Variants in FUT9 observed in about 807,000 individuals in gnomAD.
The protein encoded by FUT9 is 4-galactosyl-N-acetylglucosaminide 3-alpha-L-fucosyltransferase 9.
A neutral mutation model predicts 29.7 loss-of-function variants in FUT9; 15 were observed. The observed-to-expected ratio is 0.51, with a 90% CI of 0.34 to 0.78. The LOEUF is 0.78. FUT9 is among the 30% of genes least tolerant of loss of function. FUT9 has a pLI of 0.01. For missense variants in FUT9, 319 were observed against 425.4 expected (o/e 0.75, Z 2.20); for synonymous variants, 169 against 153.7 (o/e 1.10, Z -0.74).
intron 1 of FUT9, among the ~76,000 whole-genome samples, chr6:96,038,595 G>T (rs1770403064): frequency 6.6e-6 from 1 of 152,046 alleles, no homozygotes; most frequent in Admixed American, 6.6e-5. Flanking sequence ...GGTAGCTGGG[G>T]AAAAATATGT....
In FUT9 at chr6:96,209,920, A is replaced by G. The variant is rs113368251; in HGVS notation, c.*5685A>G. On this transcript the variant is annotated 3_prime_UTR_variant, in exon 3 of 3. Transcript: ENST00000302103. ...CAAAAAAAGAGCATGCTTTTAATAC[A>G]TTTCCAAAATTATCCTGTTTCTGCT... 6.0e-6 allele frequency: 1 copy of G among 166,792 alleles called. No individual in the cohort carries two copies. Among genetic ancestry groups the G allele is most frequent in the African/African-American group, 2.4e-5 (1 of 41,422 alleles). 10.3% of individuals were successfully genotyped at this position (166,792 alleles called of 1,614,324 possible).
intron 1 of FUT9, among the ~76,000 whole-genome samples, chr6:96,025,606 G>A (rs1582177424): frequency 6.6e-6 from 1 of 151,686 alleles, no homozygotes; most frequent in East Asian, 1.9e-4. Flanking sequence ...TCAGAGAGCA[G>A]GGAAGGAGAG....
chr6:96,058,468 C>CAAAAAAAAAAAA (rs3079049), intron 1 of FUT9, among the ~76,000 whole-genome samples: 9 of 77,166 alleles, frequency 1.2e-4, no homozygotes, highest in African/African-American at 5.3e-4. Flanking sequence ...GGCTTTATTC[C>CAAAAAAAAAAAA]AAAAAAAAAA....
chr6:96,193,851 C>T (rs897753534), intron 2 of FUT9, among the ~76,000 whole-genome samples: 6 of 152,152 alleles, frequency 3.9e-5, no homozygotes, highest in Non-Finnish European at 7.3e-5. Flanking sequence ...GGCACATATA[C>T]ACCATGGAAT....
chr6:96,105,450 T>A (rs990878404), intron 1 of FUT9, among the ~76,000 whole-genome samples: 3 of 152,180 alleles, frequency 2.0e-5, no homozygotes, highest in Non-Finnish European at 4.4e-5. Context: ...ATAAAAATCA[T>A]ATTATTCTAA....
chr6:96,055,030 A>T (rs1470563684), intron 1 of FUT9, among the ~76,000 whole-genome samples: 2 of 152,168 alleles, frequency 1.3e-5, no homozygotes, highest in Non-Finnish European at 2.9e-5. Context: ...GTAATGAAAT[A>T]CATTGTTTTA....
chr6:96,075,051 T>C (rs1381524239), intron 1 of FUT9, among the ~76,000 whole-genome samples: 1 of 152,048 alleles, frequency 6.6e-6, no homozygotes, highest in Admixed American at 6.6e-5. Context: ...CCCAAAGCAC[T>C]GGGATTACAG....
chr6:96,018,396 G>C (rs1028919336), intron 1 of FUT9, among the ~76,000 whole-genome samples: 1 of 152,026 alleles, frequency 6.6e-6, no homozygotes, highest in African/African-American at 2.4e-5. Flanking sequence ...AATTATCTAT[G>C]AGAATCCAAA....
chr6:96,194,458 C>T (rs75178283), intron 2 of FUT9, among the ~76,000 whole-genome samples: 21 of 152,124 alleles, frequency 1.4e-4, no homozygotes, highest in East Asian at 7.8e-4. Context: ...AAGAAATGTC[C>T]GTCTTCCATA....
chr6:96,048,937 C>T (rs12194922), intron 1 of FUT9, among the ~76,000 whole-genome samples: 1,825 of 152,256 alleles, frequency 0.012, 18 homozygotes, highest in Non-Finnish European at 0.02. Flanking sequence ...GGGTAACCTT[C>T]AGGAAATTAT....
chr6:96,032,406 G>C (rs1029587501), intron 1 of FUT9, among the ~76,000 whole-genome samples: 3 of 150,756 alleles, frequency 2.0e-5, no homozygotes, highest in African/African-American at 7.3e-5. Context: ...AATTTTTTTC[G>C]CATAATACAT....
At chr6:96,031,341 T>G (rs959872277) in intron 1 of FUT9, among the ~76,000 whole-genome samples, 6 of 151,568 alleles carry the variant, frequency 4.0e-5, no homozygotes, top group Non-Finnish European at 8.9e-5. Flanking sequence ...CATCTTAATC[T>G]AAACTTAACC....
intron 1 of FUT9, among the ~76,000 whole-genome samples, chr6:96,029,354 T>C (rs1055315702): frequency 2.0e-5 from 3 of 151,366 alleles, no homozygotes; most frequent in African/African-American, 7.3e-5. Flanking sequence ...GTATGAGAAA[T>C]ATTGGAAGCA....
intron 2 of FUT9, among the ~76,000 whole-genome samples, chr6:96,199,796 G>A (rs1320598132): frequency 2.0e-5 from 3 of 152,092 alleles, no homozygotes; most frequent in Admixed American, 6.6e-5. Flanking sequence ...ACCAAGCACA[G>A]TACTTGTACA....
At chr6:96,135,237 A>G (rs74522756) in intron 2 of FUT9, among the ~76,000 whole-genome samples, 1 of 151,982 alleles carries the variant, frequency 6.6e-6, no homozygotes, top group East Asian at 1.9e-4. Context: ...TAGTATATGT[A>G]CAGTACATAC....
chr6:96,136,913 A>G (rs1772358523), intron 2 of FUT9, among the ~76,000 whole-genome samples: 2 of 152,160 alleles, frequency 1.3e-5, no homozygotes, highest in East Asian at 1.9e-4. Context: ...TTAATGACTT[A>G]TGAATCAGAC....
intron 1 of FUT9, among the ~76,000 whole-genome samples, chr6:96,073,592 A>C (rs1024563726): frequency 3.3e-5 from 5 of 152,240 alleles, no homozygotes; most frequent in African/African-American, 1.2e-4. Context: ...GAGTGAGGTC[A>C]GGTTGAGAAA....
At chr6:96,043,667 A>G (rs1770508719) in intron 1 of FUT9, among the ~76,000 whole-genome samples, 1 of 152,214 alleles carries the variant, frequency 6.6e-6, no homozygotes, top group Non-Finnish European at 1.5e-5. Context: ...AATTGTTGTG[A>G]ATGATTAATC....
intron 2 of FUT9, among the ~76,000 whole-genome samples, chr6:96,164,799 G>A (rs9377449): frequency 3.4e-4 from 51 of 152,114 alleles, no homozygotes; most frequent in Non-Finnish European, 6.6e-4. Context: ...TGGTTGGGGA[G>A]GCTTAGAATT....
Sources: gnomAD v4.1 joint callset for allele counts (sites outside exome capture counted in the v4.1 genomes callset) on GRCh38, gnomAD v4.1.1 for gene constraint, MANE v1.5 for transcripts, NCBI Gene and HGNC (gene_info 2026-07-23, HGNC 2026-07-21) for gene names.